The following GPC2 variants were observed in gnomAD, a reference collection of about 807,000 sequenced individuals.
GPC2 encodes glypican 2, also known as glypican-2.
GPC2 carries 42 observed loss-of-function variants against 57.3 expected under a neutral mutation model. The observed-to-expected ratio is 0.73, with a 90% CI of 0.57 to 0.95. The LOEUF (loss-of-function observed/expected upper bound fraction) is 0.95, where lower values mean the gene tolerates loss of function less well. Among genes scored for constraint, GPC2 ranks in the 40% least tolerant of loss-of-function variants. The pLI, the probability that GPC2 is intolerant of heterozygous loss-of-function variation, is 0.00. For missense variants in GPC2, 745 were observed against 793.6 expected (o/e 0.94, Z 0.74); for synonymous variants, 364 against 343.4 (o/e 1.06, Z -0.66).
rs890090469 is a variant in GPC2 at position 100,173,545 on chromosome 7, T to C, written c.892+290A>G. The C allele has an allele frequency of 2.4e-5, 5 of 211,238 alleles. No homozygotes were observed. In the East Asian group the frequency reaches 2.9e-4, roughly 12 times the overall value. 13.1% of individuals were successfully genotyped at this position (211,238 alleles called of 1,614,324 possible). ...CTCCTGCCTCAGCCTCAGGAGTAAC[T>C]GGGACTACAGGCGCGGGCGCTACCA... On this transcript the variant is annotated intron_variant, in intron 5 of 9. Transcript: ENST00000292377.
chr7:100,175,429 C>T, intron 3 of GPC2, 143 bp downstream of exon 3: 1 of 665,016 alleles, frequency 1.5e-6, no homozygotes, highest in Non-Finnish European at 2.6e-6. Context: ...ATAGGGATCA[C>T]CAGGTCAGAA....
chr7:100,170,931 G>C (rs1467400959), intron 9 of GPC2: 1 of 347,760 alleles, frequency 2.9e-6, no homozygotes, highest in African/African-American at 2.1e-5. Flanking sequence ...TGCGGAGCCA[G>C]CTCAATGTCA....
At position 100,171,204 on chromosome 7, in the gene GPC2, G is replaced by T. The variant is rs1584629295; in HGVS notation, c.1486+57C>A. The T allele has an allele frequency of 7.0e-7, 1 of 1,422,260 alleles. No individual in the cohort carries two copies. The allele number at this position is 1,422,260 out of a possible 1,614,324, so 88.1% of individuals were successfully genotyped here. ...GGCACGGGCGGGAACTACCAGGAGA[G>T]GGGAGAGGCTTCAGGGCAGTGGGCG... is the stretch of plus-strand genomic sequence containing the variant. On this transcript the variant is annotated intron_variant, in intron 9 of 9. Transcript: ENST00000292377. The surrounding 1 kb of genome is among the most constrained non-coding windows in gnomAD (Gnocchi z 4.8).
At position 100,174,630 on chromosome 7, in the gene GPC2, T is replaced by C; in HGVS notation, c.729+55A>G. ...GGCTGTTTCTTCCTTGTGGGGTCTC[T>C]CTCACTTCCACCTCTCCCTCCCTGG... On this transcript the variant is annotated intron_variant, in intron 4 of 9. Transcript: ENST00000292377. The C allele has an allele frequency of 2.3e-6, 3 of 1,331,948 alleles. No individual in the cohort carries two copies. The South Asian group carries it at 3.6e-5, about 16-fold the overall frequency. The allele number at this position is 1,331,948 out of a possible 1,614,324, so 82.5% of individuals were successfully genotyped here. A position where few individuals can be genotyped will look rare whatever the true frequency, so the allele number is the denominator to read the frequency against.
rs1349736188 is a variant in GPC2, at chr7:100,171,436, C to T, written c.1311G>A (p.Arg437=). 1.4e-6 allele frequency: 2 copies of T among 1,448,234 alleles called. No homozygotes were observed. Among genetic ancestry groups the T allele is most frequent in the South Asian group, 2.8e-5 (2 of 70,572 alleles). The allele number at this position is 1,448,234 out of a possible 1,614,324, so 89.7% of individuals were successfully genotyped here. ...AGCCCCCGACCACTGGCGGCAAGTA[C>T]CTGCGAGCAGAGCAGCCCCGAAGCG... ...APCWTGAGRG[R]YLPPVVGGSP... is the part of the protein sequence containing the mutation. The change falls in exon 9 of 10, where the codon CGG becomes CGA. Residue 437 remains arginine (R), a splice_region_variant and synonymous_variant. Coordinates refer to ENST00000292377, the MANE Select transcript of GPC2 (RefSeq NM_152742.3). The surrounding 1 kb of genome is among the most constrained non-coding windows in gnomAD (Gnocchi z 4.8).
rs762582131 is a variant in GPC2 at position 100,177,214 on chromosome 7, C to T, written c.-15G>A. The T allele has an allele frequency of 2.1e-5, 34 of 1,606,172 alleles. No individual in the cohort carries two copies. The Admixed American group carries it at 5.2e-4, about 25-fold the overall frequency. On this transcript the variant is annotated 5_prime_UTR_variant, in exon 1 of 10. The change creates a premature stop within an existing upstream ORF in the 5' untranslated region. Transcript: ENST00000292377. ...AGCGCGGACATAACTGCAGCCACCC[C>T]AGGACGGCAAAGTGGGTCCTAAGGA... is the stretch of plus-strand genomic sequence containing the variant.
intron 9 of GPC2, among the ~76,000 whole-genome samples, chr7:100,170,823 G>A (rs1323965150): frequency 6.6e-6 from 1 of 152,036 alleles, no homozygotes; most frequent in Non-Finnish European, 1.5e-5. Flanking sequence ...AGAGGGGTGC[G>A]GGAAGAGTGA....
chr7:100,170,138 G>T lies in GPC2; in HGVS notation c.*92C>A. On this transcript the variant is annotated 3_prime_UTR_variant, in exon 10 of 10. Transcript: ENST00000292377. ...GCAAAGTCCCTTCTCTACCCTCTCT[G>T]CAGCCCCCTTCGACTCCTCCCCAGG... is the stretch of plus-strand genomic sequence containing the variant. 2 of 1,351,192 alleles carry T rather than the reference G, an allele frequency of 1.5e-6. No individual in the cohort carries two copies. The highest frequency in any genetic ancestry group is 2.6e-5 in the Admixed American group (1 of 38,038). 83.7% of individuals were successfully genotyped at this position (1,351,192 alleles called of 1,614,324 possible). A position where few individuals can be genotyped will look rare whatever the true frequency, so the allele number is the denominator to read the frequency against.
intron 3 of GPC2, 76 bp downstream of exon 3, chr7:100,175,496 T>G: frequency 2.5e-6 from 3 of 1,195,264 alleles, no homozygotes; most frequent in Non-Finnish European, 3.5e-6. Context: ...AGCACGCCAG[T>G]TTGGAGGTGA....
In GPC2 at chr7:100,171,644, C is replaced by A; in HGVS notation, c.1205G>T (p.Arg402Leu). The A allele has an allele frequency of 6.6e-7, 1 of 1,526,138 alleles. No homozygotes were observed. The allele number at this position is 1,526,138 out of a possible 1,614,324, so 94.5% of individuals were successfully genotyped here. ...CAGGGACAGCCGGGCCCAGAAGCCC[C>A]GCATCCGGGCCAGACGCTCGCGGAG... ...WELRERLARM[R>L]GFWARLSLTV... Residue 402 changes from arginine (R) to leucine (L), a missense_variant, in exon 8 of 10, where the codon CGG (arginine) becomes CTG (leucine). Physicochemically the swap from Arg to Leu is moderately radical, Grantham distance 102. This residue lies in a region of GPC2 where 607 missense variants were observed against 603.9 expected (regional missense o/e 1.01). Coordinates refer to ENST00000292377, the MANE Select transcript of GPC2 (RefSeq NM_152742.3). This position sits in a 1 kb window ranked among gnomAD's most constrained non-coding sequence, Gnocchi z 4.8.
At chr7:100,175,381 A>G (rs1286221689) in intron 3 of GPC2, among the ~76,000 whole-genome samples, 191 bp downstream of exon 3, 1 of 152,122 alleles carries the variant, frequency 6.6e-6, no homozygotes, top group African/African-American at 2.4e-5. Context: ...AAGAAGACCA[A>G]GGGGCACTGG....
chr7:100,170,320 C>T lies in GPC2; in HGVS notation c.1650G>A (p.Arg550=). The change falls in exon 10 of 10, where the codon CGG becomes CGA. Residue 550 remains arginine (R), a synonymous_variant. Transcript: ENST00000292377. The stretch of plus-strand genomic sequence containing the variant: ...CAATAGATGCCCCCCCACTCCTGCT[C>T]CGGCCCTGGTTGTAGCGGGCACTGC... ...GGGSARYNQG[R]SRSGGASIGF... 1 of 1,611,778 alleles carries T rather than the reference C, an allele frequency of 6.2e-7. No individual in the cohort carries two copies. Among genetic ancestry groups the T allele is most frequent in the Non-Finnish European group, 8.5e-7 (1 of 1,179,090 alleles).
Position 100,171,614 on chromosome 7 carries a change from A to T in GPC2, c.1235T>A (p.Val412Glu). 4 of 1,531,780 alleles carry T rather than the reference A, an allele frequency of 2.6e-6. No individual in the cohort carries two copies. Among genetic ancestry groups the T allele is most frequent in the Non-Finnish European group, 3.5e-6 (4 of 1,152,282 alleles). 94.9% of individuals were successfully genotyped at this position (1,531,780 alleles called of 1,614,324 possible). Residue 412 changes from valine to glutamate, a missense_variant, in exon 8 of 10, where the codon GTG becomes GAG. Physicochemically the swap from Val to Glu is moderately radical, Grantham distance 121. This residue lies in a region of GPC2 where 607 missense variants were observed against 603.9 expected (regional missense o/e 1.01). Transcript: ENST00000292377. The surrounding 1 kb of genome is among the most constrained non-coding windows in gnomAD (Gnocchi z 4.8). ...RGFWARLSLT[V>E]CGDSRMAADA... ...CGCTGCCATGCGAGAGTCTCCGCAC[A>T]CCGTCAGGGACAGCCGGGCCCAGAA...
chr7:100,173,536 A>T (rs1261768364), intron 5 of GPC2: 3 of 170,614 alleles, frequency 1.8e-5, no homozygotes, highest in Admixed American at 7.2e-5. Flanking sequence ...CCTCAGCCTC[A>T]GGAGTAACTG....
chr7:100,173,468 C>T (rs548113874), intron 5 of GPC2: 334 of 154,736 alleles, frequency 2.2e-3, no homozygotes, highest in African/African-American at 8.0e-3. Context: ...GGTAGAGATG[C>T]GGTCTAGCTA....
rs1276493546 is a variant in GPC2, at chr7:100,175,848, C to T, written c.372G>A (p.Gln124=). 8 of 1,613,920 alleles carry T rather than the reference C, an allele frequency of 5.0e-6. No individual in the cohort carries two copies. The East Asian group carries it at 1.8e-4, about 36-fold the overall frequency. Residue 124 remains glutamine (Q), a synonymous_variant, in exon 3 of 10, where the codon CAG becomes CAA. Coordinates refer to ENST00000292377, the MANE Select transcript of GPC2 (RefSeq NM_152742.3). The stretch of plus-strand genomic sequence containing the variant: ...GGCGGCCGTAGGAGTGGGAGAAGAG[C>T]TGGGTCAGAGAGTGCTGGGCTACTG... ...MLSVAQHSLT[Q]LFSHSYGRLY... is the part of the protein sequence containing the mutation.
At position 100,170,062 on chromosome 7, in the gene GPC2, C is replaced by T. The variant is rs571836504; in HGVS notation, c.*168G>A. The T allele has an allele frequency of 5.3e-6, 3 of 568,962 alleles. No individual in the cohort carries two copies. In the East Asian group the frequency reaches 9.6e-5, roughly 18 times the overall value. The allele number at this position is 568,962 out of a possible 1,614,324, so 35.2% of individuals were successfully genotyped here. A position where few individuals can be genotyped will look rare whatever the true frequency, so the allele number is the denominator to read the frequency against. On this transcript the variant is annotated 3_prime_UTR_variant, in exon 10 of 10. Coordinates refer to ENST00000292377, the MANE Select transcript of GPC2 (RefSeq NM_152742.3). ...TGAAAAAATAAATATTGTGAACACC[C>T]ACCCACCTCTGATGAAAATCTCCTG...
At position 100,169,966 on chromosome 7, in the gene GPC2, A is replaced by G. The variant is rs1799149167; in HGVS notation, c.*264T>C. The G allele has an allele frequency of 3.1e-6, 1 of 320,144 alleles. No individual in the cohort carries two copies. The highest frequency in any genetic ancestry group is 6.0e-5 in the East Asian group (1 of 16,718). 19.8% of individuals were successfully genotyped at this position (320,144 alleles called of 1,614,324 possible). A position where few individuals can be genotyped will look rare whatever the true frequency, so the allele number is the denominator to read the frequency against. On this transcript the variant is annotated 3_prime_UTR_variant, in exon 10 of 10. Transcript: ENST00000292377. The stretch of plus-strand genomic sequence containing the variant: ...ACCAGCCCCAGCCTTAGAGGGCTAG[A>G]GACTATACCTTCTAAGGAAACCACA...
chr7:100,173,499 A>G (rs1799218341), intron 5 of GPC2: 1 of 177,002 alleles, frequency 5.6e-6, no homozygotes, highest in East Asian at 1.4e-4. Context: ...GCTGGCCTCC[A>G]ACTCCTGGCC....
Sources: gnomAD v4.1 joint callset for allele counts (sites outside exome capture counted in the v4.1 genomes callset) on GRCh38, gnomAD v4.1.1 for gene constraint, gnomAD v4.1.1 regional missense constraint, Gnocchi (gnomAD v3.1) non-coding constraint, MANE v1.5 for transcripts, NCBI Gene and HGNC (gene_info 2026-07-23, HGNC 2026-07-21) for gene names.